Variants in PUS10 observed in about 807,000 individuals in gnomAD.
PUS10 encodes the protein pseudouridine synthase 10, also known as tRNA pseudouridine synthase Pus10.
PUS10 carries 59 observed loss-of-function variants against 75.0 expected under a neutral mutation model. The observed-to-expected ratio is 0.79, with a 90% confidence interval of 0.64 to 0.98. The LOEUF is 0.98. PUS10 is among the 50% of genes least tolerant of loss of function. PUS10 has a pLI of 0.00. For missense variants in PUS10, 650 were observed against 614.4 expected, an observed-to-expected ratio of 1.06 and a Z score of -0.61; for synonymous variants, 219 against 211.6, an observed-to-expected ratio of 1.03 and a Z score of -0.30.
intron 2 of PUS10, chr2:61,010,910 G>A (rs973838292): frequency 2.6e-6 from 4 of 1,546,706 alleles, no homozygotes; most frequent in Non-Finnish European, 3.5e-6. Flanking sequence ...GACAATCATA[G>A]TATGTACTTA....
intron 4 of PUS10, among the ~76,000 whole-genome samples, chr2:60,981,190 G>A (rs1027954335): frequency 6.6e-6 from 1 of 151,942 alleles, no homozygotes; most frequent in Non-Finnish European, 1.5e-5. Context: ...ACCACGCCAA[G>A]CCTACATTCT....
Position 60,963,196 on chromosome 2 carries a change from T to C in PUS10, c.724-306A>G, listed in dbSNP as rs553646037. ...CCACTTCTCTCAAATTATGGTATAA[T>C]TCAAATACAAAACATGATGACACTG... is the stretch of plus-strand genomic sequence containing the variant. On this transcript the variant is annotated intron_variant, in intron 8 of 17. Coordinates refer to ENST00000316752, the MANE Select transcript of PUS10 (RefSeq NM_144709.4). Among the ~76,000 whole-genome samples, 34 of 152,356 alleles carry C rather than the reference T, an allele frequency of 2.2e-4. No individual in the cohort carries two copies. The South Asian group carries it at 7.0e-3, about 32-fold the overall frequency.
chr2:60,965,165 C>G, intron 7 of PUS10, 62 bp from the exon 8 acceptor site: 4 of 1,490,366 alleles, frequency 2.7e-6, no homozygotes, highest in South Asian at 2.3e-5. Flanking sequence ...AGATATAATT[C>G]AAATATATTT....
intron 6 of PUS10, 148 bp from the exon 7 acceptor site, chr2:60,965,632 G>A (rs1676293980): frequency 5.4e-6 from 3 of 554,524 alleles, no homozygotes; most frequent in Non-Finnish European, 9.5e-6. Flanking sequence ...AAATCAACTT[G>A]TTATCAGGGC....
At chr2:60,979,092 C>A (rs1677217699) in intron 4 of PUS10, among the ~76,000 whole-genome samples, 1 of 151,236 alleles carries the variant, frequency 6.6e-6, no homozygotes, top group Non-Finnish European at 1.5e-5. Flanking sequence ...CTGCTCCAAA[C>A]TCTTCTCCCA....
At chr2:61,006,449 C>A in intron 4 of PUS10, 108 bp downstream of exon 4, 3 of 818,496 alleles carry the variant, frequency 3.7e-6, no homozygotes, top group East Asian at 2.8e-5. Flanking sequence ...AATAAGTAGA[C>A]AAAATGTAAA....
At chr2:60,956,285 T>C (rs773855983) in intron 11 of PUS10, among the ~76,000 whole-genome samples, 3 of 152,162 alleles carry the variant, frequency 2.0e-5, no homozygotes, top group Non-Finnish European at 2.9e-5. Flanking sequence ...AGACTCAACC[T>C]GTAGTGCTAA....
intron 4 of PUS10, among the ~76,000 whole-genome samples, chr2:60,985,289 T>A: frequency 6.6e-6 from 1 of 152,314 alleles, no homozygotes. Flanking sequence ...TTAAATATTA[T>A]CTAATAGGTT....
intron 2 of PUS10, 61 bp from the exon 3 acceptor site, chr2:61,009,076 G>A (rs773399440): frequency 1.1e-5 from 16 of 1,443,426 alleles, no homozygotes; most frequent in Non-Finnish European, 1.4e-5. Flanking sequence ...GGCTTTCTAG[G>A]TAAGATGAAA....
At chr2:60,959,184 G>A (rs1250671566) in intron 11 of PUS10, among the ~76,000 whole-genome samples, 2 of 152,138 alleles carry the variant, frequency 1.3e-5, no homozygotes, top group African/African-American at 4.8e-5. Flanking sequence ...CTTTATTCCA[G>A]GACACTTTAC....
Position 60,961,457 on chromosome 2 carries a change from T to G in PUS10, c.874+6A>C, listed in dbSNP as rs1676020827. The G allele has an allele frequency of 3.7e-6, 6 of 1,610,490 alleles. No individual in the cohort carries two copies. The highest frequency in any genetic ancestry group is 1.7e-4 in the Middle Eastern group (1 of 6,054). ...GTGTATGTATATTCTAGACTAAATA[T>G]TTTACCAGCCACAAAAACAGCACCA... On this transcript the variant is annotated splice_donor_region_variant and intron_variant, in intron 10 of 17. Transcript: ENST00000316752.
Position 60,960,633 on chromosome 2 carries a change from G to T in PUS10, c.875-116C>A, listed in dbSNP as rs988567512. On this transcript the variant is annotated intron_variant, in intron 10 of 17. Transcript: ENST00000316752. ...CCTAAGTGCTACGATATAAAACAAG[G>T]CCTATCCTTTACCTAACTAACAATC... The T allele has an allele frequency of 4.4e-6, 4 of 907,586 alleles. No individual in the cohort carries two copies. In the Admixed American group the frequency reaches 1.3e-4, roughly 30 times the overall value. The allele number at this position is 907,586 out of a possible 1,614,324, so 56.2% of individuals were successfully genotyped here.
intron 4 of PUS10, 55 bp downstream of exon 4, chr2:61,006,502 G>A (rs765319483): frequency 2.5e-5 from 32 of 1,263,058 alleles, no homozygotes; most frequent in Non-Finnish European, 3.4e-5. Flanking sequence ...CCCATTTTTT[G>A]AGAAATTCCT....
chr2:60,955,194 G>A, intron 11 of PUS10, 120 bp from the exon 12 acceptor site: 11 of 510,030 alleles, frequency 2.2e-5, no homozygotes, highest in Non-Finnish European at 3.7e-5. Context: ...AATCCCCAGG[G>A]AGAGTCATCA....
Position 61,018,117 on chromosome 2 carries a change from A to G in PUS10, c.-125T>C. The G allele has an allele frequency of 6.5e-7, 1 of 1,546,948 alleles. No individual in the cohort carries two copies. The highest frequency in any genetic ancestry group is 8.7e-7 in the Non-Finnish European group (1 of 1,145,320). On this transcript the variant is annotated 5_prime_UTR_variant, in exon 1 of 18. Transcript: ENST00000316752. ...CTCTGGGTCTCTGTGCTTGAAAGAA[A>G]GGGGGGCGGCTTCCTACCTACCGCT...
At chr2:60,971,283 C>A (rs1446760226) in intron 5 of PUS10, among the ~76,000 whole-genome samples, 1 of 151,968 alleles carries the variant, frequency 6.6e-6, no homozygotes, top group Non-Finnish European at 1.5e-5. Context: ...TATTTACATT[C>A]ATATTAAAAC....
chr2:60,943,355 T>C (rs1340547506), intron 17 of PUS10, among the ~76,000 whole-genome samples: 1 of 152,202 alleles, frequency 6.6e-6, no homozygotes, highest in East Asian at 1.9e-4. Context: ...TTTGTTCTTC[T>C]AGGACAAAAC....
intron 4 of PUS10, among the ~76,000 whole-genome samples, chr2:60,996,220 C>T (rs959147373): frequency 6.6e-6 from 1 of 152,178 alleles, no homozygotes; most frequent in African/African-American, 2.4e-5. Flanking sequence ...ACCCCAATAA[C>T]GAGTTATTAG....
chr2:60,967,885 T>C (rs1182146404), intron 5 of PUS10, among the ~76,000 whole-genome samples: 1 of 152,140 alleles, frequency 6.6e-6, no homozygotes, highest in African/African-American at 2.4e-5. Context: ...TATGGGTTTT[T>C]CTAAGCTAGA....
Sources: gnomAD v4.1 joint callset for allele counts (sites outside exome capture counted in the v4.1 genomes callset) on GRCh38, gnomAD v4.1.1 for gene constraint, MANE v1.5 for transcripts, NCBI Gene and HGNC (gene_info 2026-07-23, HGNC 2026-07-21) for gene names.